SEMA4D: variants seen among roughly 807,000 people sequenced by gnomAD.
SEMA4D encodes semaphorin 4D.
In SEMA4D, 22 loss-of-function variants were observed where a neutral mutation model predicts 74.8. The ratio of observed to expected loss-of-function variants is 0.29; its 90% CI spans 0.21 to 0.42. The LOEUF (loss-of-function observed/expected upper bound fraction) is 0.42, where lower values mean the gene tolerates loss of function less well. SEMA4D is among the 10% of genes least tolerant of loss of function. SEMA4D has a pLI of 1.00. For missense variants in SEMA4D, 937 were observed against 1,118.4 expected (o/e 0.84, Z 2.31); for synonymous variants, 445 against 463.7 (o/e 0.96, Z 0.52).
intron 1 of SEMA4D, among the ~76,000 whole-genome samples, chr9:89,473,874 C>CA (rs935771705): frequency 9.9e-5 from 15 of 151,298 alleles, no homozygotes; most frequent in Admixed American, 3.9e-4. Flanking sequence ...ACAAAACAAA[C>CA]AAAAAAACAA....
rs1222925224 is a variant in SEMA4D at position 89,453,991 on chromosome 9, G to A, written c.-244+1897C>T. On this transcript the variant is annotated intron_variant, in intron 2 of 15. Transcript: ENST00000422704. ...TCCTGCCTCAGCCTCCTGAGTAGCT[G>A]GGACTACAGGCGCCCGCCACCACGC... 4.0e-5 allele frequency among the ~76,000 whole-genome samples: 6 copies of A among 151,866 alleles called. No homozygotes were observed. In the East Asian group the frequency reaches 9.7e-4, roughly 24 times the overall value.
chr9:89,484,010 C>A lies in SEMA4D; in HGVS notation c.-310+13909G>T, dbSNP rs910734136. On this transcript the variant is annotated intron_variant, in intron 1 of 15. Transcript: ENST00000422704. The surrounding 1 kb of genome is among the most constrained non-coding windows in gnomAD (Gnocchi z 4.1). ...GGAGTCATCTCATTTAATAATCCTACAGTCCCCCAACAACCACTGAGGGAC... is the reference window on the plus strand; with the variant it reads ...GGAGTCATCTCATTTAATAATCCTAAAGTCCCCCAACAACCACTGAGGGAC... Among the ~76,000 whole-genome samples, 4 of 152,244 alleles carry A rather than the reference C, an allele frequency of 2.6e-5. No homozygotes were observed. Among genetic ancestry groups the A allele is most frequent in the Admixed American group, 2.6e-4 (4 of 15,288 alleles).
In SEMA4D at chr9:89,432,129, C is replaced by T. The variant is rs1023454162; in HGVS notation, c.-244+23759G>A. Among the ~76,000 whole-genome samples, 3 of 149,484 alleles carry T rather than the reference C, an allele frequency of 2.0e-5. No homozygotes were observed. The East Asian group carries it at 5.8e-4, about 29-fold the overall frequency. On this transcript the variant is annotated intron_variant, in intron 2 of 15. Transcript: ENST00000422704. ...GGGCCCACCCTTACCAGCTATGCAG[C>T]CCTGGAATGGCCACTCAACCCTCTG...
chr9:89,411,621 TACCTGCATTA>T (rs1277238170), intron 2 of SEMA4D, among the ~76,000 whole-genome samples: 1 of 152,220 alleles, frequency 6.6e-6, no homozygotes, highest in Non-Finnish European at 1.5e-5. Flanking sequence ...ACTTTAAAAT[TACCTGCATTA>T]ATTACTCTCA....
At position 89,484,342 on chromosome 9, in the gene SEMA4D, A is replaced by ATGTGTGTGC. The variant is rs1290653134; in HGVS notation, c.-310+13568_-310+13576dup. On this transcript the variant is annotated intron_variant, in intron 1 of 15. Coordinates refer to ENST00000422704, the MANE Select transcript of SEMA4D (RefSeq NM_001371194.2). This position sits in a 1 kb window ranked among gnomAD's most constrained non-coding sequence, Gnocchi z 4.1. The stretch of plus-strand genomic sequence containing the variant: ...CTCAAGACTCCGATGCATACGGGGT[A>ATGTGTGTGC]TGTGTGTGCTGTGTGTGCTGCGGCA... Among the ~76,000 whole-genome samples, 2 of 152,194 alleles carry ATGTGTGTGC rather than the reference A, an allele frequency of 1.3e-5. No homozygotes were observed. Among genetic ancestry groups the ATGTGTGTGC allele is most frequent in the African/African-American group, 2.4e-5 (1 of 41,464 alleles).
chr9:89,395,505 A>T (rs1840763308), intron 6 of SEMA4D, among the ~76,000 whole-genome samples: 1 of 152,328 alleles, frequency 6.6e-6, no homozygotes, highest in South Asian at 2.1e-4. Context: ...CAGCTAACCT[A>T]TCTACAGAAT....
intron 1 of SEMA4D, among the ~76,000 whole-genome samples, chr9:89,493,129 G>C (rs1156600094): frequency 6.6e-6 from 1 of 152,226 alleles, no homozygotes; most frequent in Admixed American, 6.5e-5. Context: ...TGAAAGGTAA[G>C]CAGTTCCTTC....
chr9:89,362,467 G>T, intron 18 of SEMA4D: 1 of 1,613,984 alleles, frequency 6.2e-7, no homozygotes, highest in Non-Finnish European at 8.5e-7. Flanking sequence ...TTGGTGGAAC[G>T]GATGGGCCTT....
intron 1 of SEMA4D, among the ~76,000 whole-genome samples, chr9:89,460,253 A>G (rs1856902203): frequency 6.6e-6 from 1 of 152,170 alleles, no homozygotes; most frequent in Non-Finnish European, 1.5e-5. Context: ...TGGGTAAGGC[A>G]TCCTTTGACC....
At chr9:89,376,955 C>G (rs1835881377), downstream of SEMA4D, 1 of 1,550,464 alleles carries the variant, frequency 6.4e-7, no homozygotes. Context: ...CGAGGCTGGC[C>G]AGGGGGTCCA....
chr9:89,411,949 G>A (rs1333105434), intron 2 of SEMA4D, among the ~76,000 whole-genome samples: 3 of 151,956 alleles, frequency 2.0e-5, no homozygotes, highest in East Asian at 3.8e-4. Context: ...CCCTCCCTCC[G>A]ATGCACCCCA....
chr9:89,480,343 C>G (rs28764789), intron 1 of SEMA4D, among the ~76,000 whole-genome samples: 1 of 152,258 alleles, frequency 6.6e-6, no homozygotes, highest in Non-Finnish European at 1.5e-5. Flanking sequence ...CTCAGGAGCC[C>G]AGCTGGTTTC....
intron 16 of SEMA4D, chr9:89,365,484 T>C (rs2132277289): frequency 6.6e-6 from 1 of 152,380 alleles, no homozygotes; most frequent in Non-Finnish European, 1.5e-5. Flanking sequence ...CCTAGACCAG[T>C]GCCGGCCATG....
chr9:89,392,750 CAGAGTCTCA>C (rs1167559096), intron 7 of SEMA4D, among the ~76,000 whole-genome samples: 1 of 152,098 alleles, frequency 6.6e-6, no homozygotes, highest in East Asian at 1.9e-4. Context: ...TGTTTTGAGA[CAGAGTCTCA>C]CTCTGTCACC....
At chr9:89,447,713 C>A (rs532671448) in intron 2 of SEMA4D, among the ~76,000 whole-genome samples, 1 of 151,808 alleles carries the variant, frequency 6.6e-6, no homozygotes, top group African/African-American at 2.4e-5. Context: ...TTCCCCAACC[C>A]CTCAAACTCC....
At chr9:89,403,447 A>C (rs780083509) in intron 3 of SEMA4D, among the ~76,000 whole-genome samples, 16 of 152,244 alleles carry the variant, frequency 1.1e-4, no homozygotes, top group South Asian at 2.1e-4. Flanking sequence ...ACAATGACTT[A>C]GGATTTTCTT....
chr9:89,458,808 A>G (rs1856580479), intron 1 of SEMA4D, among the ~76,000 whole-genome samples: 1 of 151,974 alleles, frequency 6.6e-6, no homozygotes, highest in South Asian at 2.1e-4. Flanking sequence ...ACACTTATAC[A>G]CCTAAACACA....
intron 1 of SEMA4D, among the ~76,000 whole-genome samples, chr9:89,476,912 G>T (rs1451099424): frequency 1.4e-4 from 21 of 152,142 alleles, no homozygotes; most frequent in Admixed American, 1.4e-3. Flanking sequence ...GGGATACTGG[G>T]CTGACCTGTC....
chr9:89,431,482 A>G lies in SEMA4D; in HGVS notation c.-244+24406T>C, dbSNP rs547718405. 5.3e-5 allele frequency among the ~76,000 whole-genome samples: 8 copies of G among 152,320 alleles called. No homozygotes were observed. In the South Asian group the frequency reaches 1.7e-3, roughly 32 times the overall value. On this transcript the variant is annotated intron_variant, in intron 2 of 15. Transcript: ENST00000422704. ...TTTTTCAGTATTGTTCTCCCAAACA[A>G]GAGCAGTTTCCCTAGATTCTCTTTT... is the stretch of plus-strand genomic sequence containing the variant.
Sources: allele counts gnomAD v4.1 joint callset (sites outside exome capture counted in the v4.1 genomes callset), GRCh38; gene constraint gnomAD v4.1.1; non-coding constraint Gnocchi (gnomAD v3.1); transcripts MANE v1.5; gene names NCBI Gene and HGNC (gene_info 2026-07-23, HGNC 2026-07-21).